PEAK1: variants seen among roughly 807,000 people sequenced by gnomAD.
The protein encoded by PEAK1 is inactive tyrosine-protein kinase PEAK1.
PEAK1 carries 54 observed loss-of-function variants against 124.7 expected under a neutral mutation model. That is an observed-to-expected ratio of 0.43 (90% confidence interval 0.35 to 0.54). The LOEUF (loss-of-function observed/expected upper bound fraction) is 0.54. Ranked by LOEUF, PEAK1 falls within the 20% of genes least tolerant of loss-of-function variation. The probability of loss-of-function intolerance (pLI) is 0.01; values close to 1 mark genes in which losing one functional copy is unlikely to be tolerated. For missense variants in PEAK1, 2,046 were observed against 2,134.5 expected, an observed-to-expected ratio of 0.96 and a Z score of 0.82; for synonymous variants, 719 against 760.0, an observed-to-expected ratio of 0.95 and a Z score of 0.89.
chr15:77,350,483 G>A (rs1042053128), intron 2 of PEAK1: 18 of 985,044 alleles, frequency 1.8e-5, no homozygotes, highest in Non-Finnish European at 2.2e-5. Flanking sequence ...TATGTTGCTT[G>A]TCTGTCTTCT....
At position 77,367,314 on chromosome 15, in the gene PEAK1, C is replaced by CAGGTAAAACTAACT. The variant is rs2068317897; in HGVS notation, c.-665-2103_-665-2090dup. Among the ~76,000 whole-genome samples the CAGGTAAAACTAACT allele has an allele frequency of 2.0e-5, 3 of 152,210 alleles. No homozygotes were observed. The South Asian group carries it at 6.2e-4, about 32-fold the overall frequency. On this transcript the variant is annotated intron_variant, in intron 1 of 9. Coordinates refer to ENST00000682557, the MANE Select transcript of PEAK1 (RefSeq NM_001385026.1). ...TTTTTTCATGTATACGATTCAAGAA[C>CAGGTAAAACTAACT]AGGTAAAACTAACTAATCTCCACTG...
chr15:77,117,894 A>G (rs901074366), intron 9 of PEAK1, among the ~76,000 whole-genome samples: 1 of 152,228 alleles, frequency 6.6e-6, no homozygotes, highest in Non-Finnish European at 1.5e-5. Context: ...ACATTCACAC[A>G]GACACACACA....
intron 9 of PEAK1, among the ~76,000 whole-genome samples, chr15:77,116,478 G>GA (rs1042466438): frequency 2.7e-4 from 41 of 151,366 alleles, no homozygotes; most frequent in African/African-American, 9.7e-4. Context: ...TATTTAAAAA[G>GA]AAAAATGTAC....
intron 2 of PEAK1, chr15:77,355,872 C>T: frequency 3.0e-6 from 3 of 985,334 alleles, no homozygotes; most frequent in African/African-American, 3.5e-5. Flanking sequence ...AGTTACAGCC[C>T]TGGAAAAATG....
intron 6 of PEAK1, among the ~76,000 whole-genome samples, chr15:77,236,250 T>C (rs1422686869): frequency 6.6e-6 from 1 of 152,080 alleles, no homozygotes; most frequent in Non-Finnish European, 1.5e-5. Context: ...AGTGCCAGCC[T>C]GTGAAAGCAG....
intron 2 of PEAK1, chr15:77,351,769 A>G (rs751208988): frequency 1.3e-5 from 13 of 985,456 alleles, no homozygotes; most frequent in Non-Finnish European, 1.6e-5. Flanking sequence ...GGCCATGTTA[A>G]GACTTTATCT....
intron 7 of PEAK1, among the ~76,000 whole-genome samples, chr15:77,176,629 C>T (rs947674531): frequency 6.6e-6 from 1 of 152,096 alleles, no homozygotes; most frequent in African/African-American, 2.4e-5. Context: ...ATGTTAACTT[C>T]AAAAAACGGA....
intron 6 of PEAK1, among the ~76,000 whole-genome samples, chr15:77,238,952 A>G (rs1178759531): frequency 6.6e-6 from 1 of 152,162 alleles, no homozygotes; most frequent in East Asian, 1.9e-4. Context: ...TATAGTTCTT[A>G]TCTGCATTCT....
intron 2 of PEAK1, among the ~76,000 whole-genome samples, chr15:77,304,442 ATTTTTTTT>A (rs71145812): frequency 1.2e-5 from 1 of 86,490 alleles, no homozygotes; most frequent in Non-Finnish European, 2.1e-5. Context: ...TCCTGTATAC[ATTTTTTTT>A]TTTTTTTTTT....
chr15:77,415,950 C>A (rs1257583222), intron 1 of PEAK1, among the ~76,000 whole-genome samples: 1 of 152,206 alleles, frequency 6.6e-6, no homozygotes, highest in African/African-American at 2.4e-5. Flanking sequence ...CTTAAAGACT[C>A]CTTCAGAGTC....
At chr15:77,280,435 C>T (rs1370168216) in intron 5 of PEAK1, among the ~76,000 whole-genome samples, 1 of 152,092 alleles carries the variant, frequency 6.6e-6, no homozygotes, top group Admixed American at 6.5e-5. Flanking sequence ...ATTCTATCTT[C>T]AATTATTTAA....
rs931344264 is a variant in PEAK1 at position 77,160,574 on chromosome 15, G to A, written c.3138-1878C>T. ...GCCTGTAGTTTCAGCTACTGGGGAG[G>A]CTGAGGCAGGAGAATCTCTTGAACC... On this transcript the variant is annotated intron_variant, in intron 7 of 9. Transcript: ENST00000682557. Among the ~76,000 whole-genome samples the A allele has an allele frequency of 1.6e-4, 25 of 152,056 alleles. 1 individual carries two copies. The highest frequency in any genetic ancestry group is 4.4e-5 in the Non-Finnish European group (3 of 68,022).
intron 2 of PEAK1, among the ~76,000 whole-genome samples, chr15:77,293,046 A>T (rs1180294879): frequency 6.6e-6 from 1 of 152,128 alleles, no homozygotes; most frequent in Admixed American, 6.5e-5. Context: ...TCCTGGCATC[A>T]TCACATCTAT....
intron 2 of PEAK1, among the ~76,000 whole-genome samples, chr15:77,353,392 T>C (rs2067320782): frequency 6.6e-6 from 1 of 152,160 alleles, no homozygotes; most frequent in Non-Finnish European, 1.5e-5. Flanking sequence ...GAAACTGGGA[T>C]GCTGACATAA....
At chr15:77,143,350 C>T (rs976832557) in intron 8 of PEAK1, among the ~76,000 whole-genome samples, 2 of 152,110 alleles carry the variant, frequency 1.3e-5, no homozygotes, top group Non-Finnish European at 2.9e-5. Context: ...GTGACAGTCT[C>T]CTATTATTGC....
rs2050842794 is a variant in PEAK1 at position 77,109,158 on chromosome 15, A to G, written c.*4998T>C. The G allele has an allele frequency of 6.6e-6, 1 of 152,172 alleles. No homozygotes were observed. The highest frequency in any genetic ancestry group is 2.4e-5 in the African/African-American group (1 of 41,440). The allele number at this position is 152,172 out of a possible 1,614,324, so 9.4% of individuals were successfully genotyped here. On this transcript the variant is annotated 3_prime_UTR_variant, in exon 10 of 10. Coordinates refer to ENST00000682557, the MANE Select transcript of PEAK1 (RefSeq NM_001385026.1). ...AAGAGTTCTTTAAACAAACCTATTTAAACTACCATATCTCTTTAAAAAAAT... is the reference window on the plus strand; with the variant it reads ...AAGAGTTCTTTAAACAAACCTATTTGAACTACCATATCTCTTTAAAAAAAT...
At chr15:77,280,896 C>T (rs192223684) in intron 5 of PEAK1, among the ~76,000 whole-genome samples, 1 of 152,066 alleles carries the variant, frequency 6.6e-6, no homozygotes, top group African/African-American at 2.4e-5. Flanking sequence ...TGGTGGCTCA[C>T]ATCTGTAATC....
intron 5 of PEAK1, 73 bp from the exon 6 acceptor site, chr15:77,252,599 A>C: frequency 2.6e-6 from 2 of 767,394 alleles, no homozygotes; most frequent in Non-Finnish European, 1.6e-6. Context: ...CTTTTCTTAG[A>C]TATTCCTAAT....
At chr15:77,282,191 A>G (rs2062707258) in intron 5 of PEAK1, among the ~76,000 whole-genome samples, 1 of 152,296 alleles carries the variant, frequency 6.6e-6, no homozygotes, top group Admixed American at 6.5e-5. Flanking sequence ...CAACAGCTCC[A>G]TATTTCCCTT....
Sources: allele counts gnomAD v4.1 joint callset (sites outside exome capture counted in the v4.1 genomes callset), GRCh38; gene constraint gnomAD v4.1.1; transcripts MANE v1.5; gene names NCBI Gene and HGNC (gene_info 2026-07-23, HGNC 2026-07-21).